Variants in KCNJ3 observed in about 807,000 individuals in gnomAD.
KCNJ3 encodes G protein-activated inward rectifier potassium channel 1.
KCNJ3 carries 4 observed loss-of-function variants against 39.2 expected under a neutral mutation model. The observed-to-expected ratio is 0.10, with a 90% CI of 0.05 to 0.23. KCNJ3 has a LOEUF of 0.23. Among genes scored for constraint, KCNJ3 ranks in the 10% least tolerant of loss-of-function variants. The pLI, the probability that KCNJ3 is intolerant of heterozygous loss-of-function variation, is 1.00. For synonymous variants in KCNJ3, 230 were observed against 237.4 expected (o/e 0.97, Z 0.29); for missense variants, 276 against 634.9 (o/e 0.43, Z 6.08).
In KCNJ3 at chr2:154,856,100, C is replaced by CTCA. The variant is rs1370103042; in HGVS notation, c.*787_*788insTCA. ...TAGAGCATACCAGTACTCAGTATAG[C>CTCA]ATTGAACATTTCTTATGATTTTTAA... On this transcript the variant is annotated 3_prime_UTR_variant, in exon 3 of 3. Coordinates refer to ENST00000295101, the MANE Select transcript of KCNJ3 (RefSeq NM_002239.4). The CTCA allele has an allele frequency of 6.6e-6, 1 of 152,462 alleles. No individual in the cohort carries two copies. Among genetic ancestry groups the CTCA allele is most frequent in the African/African-American group, 2.4e-5 (1 of 41,408 alleles). 9.4% of individuals were successfully genotyped at this position (152,462 alleles called of 1,614,324 possible).
At chr2:154,849,969 T>TA (rs1687727570) in intron 2 of KCNJ3, among the ~76,000 whole-genome samples, 1 of 149,538 alleles carries the variant, frequency 6.7e-6, no homozygotes, top group Admixed American at 6.7e-5. Flanking sequence ...TATACCCTTT[T>TA]AAATCTGTGA....
At chr2:154,783,429 A>C (rs1032558234) in intron 2 of KCNJ3, among the ~76,000 whole-genome samples, 2 of 152,168 alleles carry the variant, frequency 1.3e-5, no homozygotes, top group African/African-American at 4.8e-5. Flanking sequence ...ATATGCTTTC[A>C]TATGATGCAG....
rs76510869 is a variant in KCNJ3, at chr2:154,787,678, A to G, written c.920-67049A>G. ...TGGAGTTAGATGTAGATAATTTGGC[A>G]TTTCTTACTCACTCTTCAAGCTGGA... On this transcript the variant is annotated intron_variant, in intron 2 of 2. Transcript: ENST00000295101. 2.1e-3 allele frequency among the ~76,000 whole-genome samples: 323 copies of G among 152,140 alleles called. 6 individuals are homozygous for G. The East Asian group carries it at 0.045, about 21-fold the overall frequency.
At chr2:154,771,081 AG>A (rs951413281) in intron 2 of KCNJ3, among the ~76,000 whole-genome samples, 2 of 151,756 alleles carry the variant, frequency 1.3e-5, no homozygotes, top group African/African-American at 4.8e-5. Flanking sequence ...CATAAAGAAG[AG>A]GTTTCACTAT....
chr2:154,740,137 T>A (rs1177757512), intron 2 of KCNJ3, among the ~76,000 whole-genome samples: 2 of 152,072 alleles, frequency 1.3e-5, no homozygotes, highest in Non-Finnish European at 2.9e-5. Flanking sequence ...GTTAACAATT[T>A]TTGTTATCAC....
chr2:154,740,591 G>A (rs944217370), intron 2 of KCNJ3, among the ~76,000 whole-genome samples: 1 of 151,906 alleles, frequency 6.6e-6, no homozygotes, highest in Non-Finnish European at 1.5e-5. Flanking sequence ...TGACAGTTGG[G>A]TAAGAAGACA....
At chr2:154,782,550 G>A (rs892069364) in intron 2 of KCNJ3, among the ~76,000 whole-genome samples, 8 of 150,526 alleles carry the variant, frequency 5.3e-5, no homozygotes, top group Non-Finnish European at 1.0e-4. Flanking sequence ...ATACACGCAG[G>A]CTTTCACATC....
intron 2 of KCNJ3, among the ~76,000 whole-genome samples, chr2:154,850,183 T>C (rs1024877806): frequency 6.6e-6 from 1 of 152,070 alleles, no homozygotes; most frequent in Non-Finnish European, 1.5e-5. Context: ...GGTTAAAACA[T>C]GCAAACAGTT....
At chr2:154,763,433 TC>T (rs1686079549) in intron 2 of KCNJ3, among the ~76,000 whole-genome samples, 1 of 151,312 alleles carries the variant, frequency 6.6e-6, no homozygotes, top group African/African-American at 2.4e-5. Flanking sequence ...TTTTTTTTTT[TC>T]CTGCATTACT....
chr2:154,825,793 G>GGTCTCGCCCAGGCTA (rs1687261478), intron 2 of KCNJ3, among the ~76,000 whole-genome samples: 1 of 151,242 alleles, frequency 6.6e-6, no homozygotes, highest in East Asian at 2.0e-4. Context: ...TGCCCAGGCT[G>GGTCTCGCCCAGGCTA]GTCTCAAACT....
In KCNJ3 at chr2:154,704,958, C is replaced by T. The variant is rs999908190; in HGVS notation, c.703-4645C>T. On this transcript the variant is annotated intron_variant, in intron 1 of 2. Coordinates refer to ENST00000295101, the MANE Select transcript of KCNJ3 (RefSeq NM_002239.4). Reference sequence around the variant, plus strand: ...GTGGGGAGGTGGTAAGCAAGAATGGCTTGCTCTCTCCGTCTTAGCCTCCTT... The same window carrying T: ...GTGGGGAGGTGGTAAGCAAGAATGGTTTGCTCTCTCCGTCTTAGCCTCCTT... Among the ~76,000 whole-genome samples, 4 of 152,282 alleles carry T rather than the reference C, an allele frequency of 2.6e-5. No homozygotes were observed. The East Asian group carries it at 7.7e-4, about 29-fold the overall frequency.
chr2:154,815,893 C>G (rs1687076448), intron 2 of KCNJ3, among the ~76,000 whole-genome samples: 1 of 152,130 alleles, frequency 6.6e-6, no homozygotes, highest in Non-Finnish European at 1.5e-5. Context: ...TTCCTTGTTC[C>G]CTTTATTTAC....
intron 2 of KCNJ3, among the ~76,000 whole-genome samples, chr2:154,757,519 T>G (rs550507868): frequency 2.0e-5 from 3 of 152,264 alleles, no homozygotes; most frequent in African/African-American, 7.2e-5. Flanking sequence ...TTTTGTTGAT[T>G]TTTTTCTCCA....
intron 2 of KCNJ3, among the ~76,000 whole-genome samples, chr2:154,801,421 A>AT (rs749097181): frequency 3.3e-5 from 5 of 151,918 alleles, no homozygotes; most frequent in Non-Finnish European, 4.4e-5. Context: ...CCAGGAAGGA[A>AT]TTTTTTCTAC....
intron 2 of KCNJ3, among the ~76,000 whole-genome samples, chr2:154,850,008 C>CTTTTTTTT (rs373062062): frequency 0.013 from 618 of 48,792 alleles, 62 homozygotes; most frequent in Middle Eastern, 0.042. Context: ...CAGAATAAAT[C>CTTTTTTTT]TTTTTTTTTT....
intron 2 of KCNJ3, among the ~76,000 whole-genome samples, chr2:154,770,485 A>G (rs1392885887): frequency 2.0e-5 from 3 of 151,366 alleles, no homozygotes; most frequent in Admixed American, 6.6e-5. Flanking sequence ...TCTTGCCTGT[A>G]GTGTTTTAAG....
At chr2:154,831,261 A>G (rs191904683) in intron 2 of KCNJ3, among the ~76,000 whole-genome samples, 2 of 152,276 alleles carry the variant, frequency 1.3e-5, no homozygotes, top group East Asian at 1.9e-4. Context: ...TTTCCCTTCA[A>G]TATACAACAC....
At chr2:154,768,827 T>C (rs1021857401) in intron 2 of KCNJ3, among the ~76,000 whole-genome samples, 4 of 152,246 alleles carry the variant, frequency 2.6e-5, no homozygotes, top group African/African-American at 9.6e-5. Flanking sequence ...GAGCATGGAA[T>C]GTTCTTCCAT....
At chr2:154,847,861 TGC>T (rs1687686511) in intron 2 of KCNJ3, among the ~76,000 whole-genome samples, 1 of 152,178 alleles carries the variant, frequency 6.6e-6, no homozygotes, top group Admixed American at 6.5e-5. Context: ...TGATGTTAGG[TGC>T]ATCTGGCATT....
Sources: gnomAD v4.1 joint callset for allele counts (sites outside exome capture counted in the v4.1 genomes callset) on GRCh38, gnomAD v4.1.1 for gene constraint, MANE v1.5 for transcripts, NCBI Gene and HGNC (gene_info 2026-07-23, HGNC 2026-07-21) for gene names.